The following LGSN variants were observed in gnomAD, a reference collection of about 807,000 sequenced individuals.
LGSN encodes the protein lengsin, lens protein with glutamine synthetase domain.
A neutral mutation model predicts 19.5 loss-of-function variants in LGSN; 21 were observed. The ratio of observed to expected loss-of-function variants is 1.07; its 90% CI spans 0.76 to 1.55. The LOEUF is 1.55. Ranked by LOEUF, LGSN falls within the 40% of genes most tolerant of loss-of-function variation. The pLI is 0.00. For missense variants in LGSN, 673 were observed against 608.5 expected, an observed-to-expected ratio of 1.11 and a Z score of -1.12; for synonymous variants, 257 against 215.6, an observed-to-expected ratio of 1.19 and a Z score of -1.68.
rs995126303 is a variant in LGSN at position 63,279,492 on chromosome 6, G to A, written c.*529C>T. 1 of 152,166 alleles carries A rather than the reference G, an allele frequency of 6.6e-6. No homozygotes were observed. The highest frequency in any genetic ancestry group is 2.4e-5 in the African/African-American group (1 of 41,404). 9.4% of individuals were successfully genotyped at this position (152,166 alleles called of 1,614,324 possible). ...AACTGCCTACCTGTCATTATATTTT[G>A]GCAAAAGTTTATTTAACTTGTTTAG... On this transcript the variant is annotated 3_prime_UTR_variant, in exon 4 of 4. Coordinates refer to ENST00000370657, the MANE Select transcript of LGSN (RefSeq NM_016571.3).
the LGSN span, among the ~76,000 whole-genome samples, chr6:63,536,441 G>C: frequency 1.3e-5 from 2 of 152,152 alleles, no homozygotes; most frequent in Non-Finnish European, 2.9e-5. Context: ...AAAAGTTTAA[G>C]GATATCCCAT....
chr6:63,412,405 A>AAGAC, the LGSN span, among the ~76,000 whole-genome samples: 382 of 134,742 alleles, frequency 2.8e-3, 5 homozygotes, highest in African/African-American at 0.013. Context: ...GAAGGAAAGA[A>AAGAC]AGAAAGAAAG....
the LGSN span, among the ~76,000 whole-genome samples, chr6:63,490,149 A>G: frequency 1.3e-5 from 2 of 152,236 alleles, no homozygotes; most frequent in African/African-American, 2.4e-5. Flanking sequence ...TTAAAAGTAA[A>G]CTATTTGGTT....
chr6:63,298,223 C>G (rs112187556), intron 1 of LGSN, among the ~76,000 whole-genome samples: 2 of 152,166 alleles, frequency 1.3e-5, no homozygotes, highest in Admixed American at 6.5e-5. Flanking sequence ...GTTGCTCTCT[C>G]GAATCAACTG....
chr6:63,281,333 TAA>T (rs1491116665), intron 3 of LGSN, 113 bp from the exon 4 acceptor site: 60 of 106,518 alleles, frequency 5.6e-4, no homozygotes, highest in Admixed American at 2.2e-3. Flanking sequence ...ATATATATAA[TAA>T]ATATATATAT....
At position 63,278,077 on chromosome 6, in the gene LGSN, G is replaced by GA. The variant is rs1186120618; in HGVS notation, c.*1943dup. The GA allele has an allele frequency of 0.038, 4,940 of 129,546 alleles. 84 individuals are homozygous for GA. The highest frequency in any genetic ancestry group is 0.056 in the African/African-American group (2,000 of 35,668). 8.0% of individuals were successfully genotyped at this position (129,546 alleles called of 1,614,324 possible). A position where few individuals can be genotyped will look rare whatever the true frequency, so the allele number is the denominator to read the frequency against. ...GGTGACAAAGCGAGACTCCATCTCGGAAAAAAAAAAAAAATACAAGAAAAG... is the reference window on the plus strand; with the variant it reads ...GGTGACAAAGCGAGACTCCATCTCGGAAAAAAAAAAAAAAATACAAGAAAAG... On this transcript the variant is annotated 3_prime_UTR_variant, in exon 4 of 4. Transcript: ENST00000370657.
the LGSN span, among the ~76,000 whole-genome samples, chr6:63,552,215 G>T: frequency 6.6e-6 from 1 of 151,940 alleles, no homozygotes; most frequent in African/African-American, 2.4e-5. Context: ...TTATTTCAAT[G>T]ATTGGCATTC....
At chr6:63,383,313 C>A in the LGSN span, among the ~76,000 whole-genome samples, 4 of 150,910 alleles carry the variant, frequency 2.7e-5, no homozygotes, top group African/African-American at 4.9e-5. Flanking sequence ...GGGAAGTCAA[C>A]CAACTCATAG....
At chr6:63,518,521 T>C in the LGSN span, among the ~76,000 whole-genome samples, 4 of 152,284 alleles carry the variant, frequency 2.6e-5, no homozygotes, top group South Asian at 6.2e-4. Context: ...TTCTTTGAGG[T>C]TGAGACTGAA....
the LGSN span, among the ~76,000 whole-genome samples, chr6:63,349,469 T>C: frequency 3.0e-3 from 450 of 152,334 alleles, 3 homozygotes; most frequent in African/African-American, 0.01. Context: ...ATTTGTGATG[T>C]GGCTATGGCC....
At chr6:63,542,076 G>T in the LGSN span, among the ~76,000 whole-genome samples, 1 of 146,968 alleles carries the variant, frequency 6.8e-6, no homozygotes, top group South Asian at 2.1e-4. Flanking sequence ...CATACACAAT[G>T]GAATACTACT....
chr6:63,562,650 G>A, the LGSN span, among the ~76,000 whole-genome samples: 2 of 152,106 alleles, frequency 1.3e-5, no homozygotes, highest in Non-Finnish European at 2.9e-5. Flanking sequence ...TTAGCACATG[G>A]CTTGGAAAAC....
chr6:63,292,853 C>G (rs1464896146), intron 2 of LGSN, among the ~76,000 whole-genome samples: 1 of 152,086 alleles, frequency 6.6e-6, no homozygotes, highest in African/African-American at 2.4e-5. Context: ...AGCAAATTAC[C>G]AAAACTAAGA....
the LGSN span, among the ~76,000 whole-genome samples, chr6:63,570,027 A>G: frequency 2.6e-5 from 4 of 152,240 alleles, no homozygotes; most frequent in Non-Finnish European, 5.9e-5. Flanking sequence ...GCAGCTGACA[A>G]GCAGGAACAT....
the LGSN span, among the ~76,000 whole-genome samples, chr6:63,504,695 C>T: frequency 6.6e-6 from 1 of 152,044 alleles, no homozygotes; most frequent in African/African-American, 2.4e-5. Context: ...CCACCCACCT[C>T]GGTGTCCCAA....
intron 1 of LGSN, among the ~76,000 whole-genome samples, chr6:63,311,397 T>TC (rs1562018408): frequency 3.9e-5 from 6 of 152,166 alleles, no homozygotes; most frequent in African/African-American, 1.4e-4. Context: ...GCATGAACAA[T>TC]TAGGGCAAAT....
the LGSN span, among the ~76,000 whole-genome samples, chr6:63,360,562 T>C: frequency 6.6e-6 from 1 of 152,222 alleles, no homozygotes; most frequent in African/African-American, 2.4e-5. Flanking sequence ...GCCATTCATC[T>C]AATCTTAAGG....
chr6:63,412,529 G>GGAAGGAAA, the LGSN span, among the ~76,000 whole-genome samples: 14 of 32,404 alleles, frequency 4.3e-4, no homozygotes, highest in South Asian at 2.5e-3. Context: ...AAAGAAAGAA[G>GGAAGGAAA]GAAAGAAAGA....
At chr6:63,342,454 T>A in the LGSN span, among the ~76,000 whole-genome samples, 1 of 152,224 alleles carries the variant, frequency 6.6e-6, no homozygotes, top group African/African-American at 2.4e-5. Flanking sequence ...TTGGAAATAG[T>A]CATGACACAT....
Sources: gnomAD v4.1 joint callset for allele counts (sites outside exome capture counted in the v4.1 genomes callset) on GRCh38, gnomAD v4.1.1 for gene constraint, MANE v1.5 for transcripts, NCBI Gene and HGNC (gene_info 2026-07-23, HGNC 2026-07-21) for gene names.